The following PTPN4 variants were observed in gnomAD, a reference collection of about 807,000 sequenced individuals.
PTPN4 encodes protein tyrosine phosphatase non-receptor type 4.
PTPN4 carries 49 observed loss-of-function variants against 135.5 expected under a neutral mutation model. The ratio of observed to expected loss-of-function variants is 0.36; its 90% CI spans 0.29 to 0.46. PTPN4 has a LOEUF of 0.46. Among genes scored for constraint, PTPN4 ranks in the 20% least tolerant of loss-of-function variants. The probability of loss-of-function intolerance (pLI) is 1.00; values close to 1 mark genes in which losing one functional copy is unlikely to be tolerated. For missense variants in PTPN4, 860 were observed against 1,101.0 expected (o/e 0.78, Z 3.10); for synonymous variants, 333 against 369.9 (o/e 0.90, Z 1.14).
In PTPN4 at chr2:119,971,549, A is replaced by AT. The variant is rs531014989; in HGVS notation, c.2694+3585dup. On this transcript the variant is annotated intron_variant, in intron 26 of 26. Coordinates refer to ENST00000263708, the MANE Select transcript of PTPN4 (RefSeq NM_002830.4). ...GCCATTTTATTGGCGAGTTGTAAGT[A>AT]TTTTTTTTATGTTTTCTGGATAAAA... is the stretch of plus-strand genomic sequence containing the variant. Among the ~76,000 whole-genome samples the AT allele has an allele frequency of 7.9e-5, 12 of 152,068 alleles. No individual in the cohort carries two copies. In the South Asian group the frequency reaches 8.3e-4, roughly 11 times the overall value.
At chr2:119,777,170 CA>C (rs1009741683) in intron 1 of PTPN4, among the ~76,000 whole-genome samples, 9 of 152,200 alleles carry the variant, frequency 5.9e-5, no homozygotes, top group African/African-American at 2.2e-4. Flanking sequence ...CTGGCACTGG[CA>C]GACTTGTTCC....
intron 1 of PTPN4, among the ~76,000 whole-genome samples, chr2:119,802,049 G>A (rs919525417): frequency 1.9e-4 from 29 of 151,746 alleles, no homozygotes; most frequent in African/African-American, 6.0e-4. Flanking sequence ...TACAACAGGC[G>A]CCCGCCACCA....
At chr2:119,919,760 G>T (rs1321276613) in intron 11 of PTPN4, among the ~76,000 whole-genome samples, 2 of 148,716 alleles carry the variant, frequency 1.3e-5, no homozygotes, top group African/African-American at 2.5e-5. Context: ...TGAGGTGGAG[G>T]TTGCAGTGAG....
intron 9 of PTPN4, among the ~76,000 whole-genome samples, chr2:119,888,708 C>T (rs1271804249): frequency 6.6e-6 from 1 of 152,106 alleles, no homozygotes; most frequent in African/African-American, 2.4e-5. Context: ...ATCTTTCTAA[C>T]ATGCTGTTGG....
chr2:119,838,176 T>G, intron 2 of PTPN4, among the ~76,000 whole-genome samples: 1 of 152,226 alleles, frequency 6.6e-6, no homozygotes, highest in South Asian at 2.1e-4. Flanking sequence ...TGTATTTTTC[T>G]TCAGTGGATG....
At chr2:119,799,414 G>A (rs1691321903) in intron 1 of PTPN4, among the ~76,000 whole-genome samples, 1 of 152,268 alleles carries the variant, frequency 6.6e-6, no homozygotes, top group African/African-American at 2.4e-5. Flanking sequence ...GATAACCCTT[G>A]TTAAGAATCA....
intron 1 of PTPN4, among the ~76,000 whole-genome samples, 169 bp downstream of exon 1, chr2:119,760,553 A>G (rs1690465554): frequency 6.6e-6 from 1 of 151,776 alleles, no homozygotes; most frequent in East Asian, 1.9e-4. Context: ...AAACAAACAA[A>G]AAAACGCTTT....
chr2:119,929,636 A>G (rs148830727), intron 13 of PTPN4, among the ~76,000 whole-genome samples: 1 of 152,134 alleles, frequency 6.6e-6, no homozygotes. Flanking sequence ...TCGCAAACAC[A>G]CTGATGCTGT....
At chr2:119,882,362 A>T (rs1418363830) in intron 7 of PTPN4, 141 bp from the exon 8 acceptor site, 1 of 1,031,536 alleles carries the variant, frequency 9.7e-7, no homozygotes, top group Admixed American at 3.1e-5. Context: ...TGTTAAATGG[A>T]TTGCTGTGGC....
chr2:119,840,093 T>C (rs1677357845), intron 2 of PTPN4, among the ~76,000 whole-genome samples: 1 of 152,242 alleles, frequency 6.6e-6, no homozygotes, highest in East Asian at 1.9e-4. Context: ...TTTCTGGTTT[T>C]ATAGTTTGCT....
At chr2:119,907,436 T>TAA (rs36068777) in intron 10 of PTPN4, among the ~76,000 whole-genome samples, 3 of 151,696 alleles carry the variant, frequency 2.0e-5, no homozygotes, top group Non-Finnish European at 2.9e-5. Flanking sequence ...CTCGTCTCTA[T>TAA]AAAAAATATT....
At position 119,882,603 on chromosome 2, in the gene PTPN4, A is replaced by G. The variant is rs752575228; in HGVS notation, c.567A>G (p.Ala189=). Residue 189 remains alanine (A), a synonymous_variant, in exon 8 of 27, where the codon GCA becomes GCG. Coordinates refer to ENST00000263708, the MANE Select transcript of PTPN4 (RefSeq NM_002830.4). Reference sequence around the variant, plus strand: ...CTCAAGATTTTGAAAAAGAAATTGCAAAATTACATCAGCAACACATGTAAG... The same window carrying G: ...CTCAAGATTTTGAAAAAGAAATTGCGAAATTACATCAGCAACACATGTAAG... ...NQPQDFEKEI[A]KLHQQHIGLS... The G allele has an allele frequency of 6.5e-7, 1 of 1,548,568 alleles. No individual in the cohort carries two copies. Among genetic ancestry groups the G allele is most frequent in the Non-Finnish European group, 8.8e-7 (1 of 1,135,840 alleles).
chr2:119,922,218 TAAAAAA>T (rs34480531), intron 12 of PTPN4, among the ~76,000 whole-genome samples: 1 of 120,874 alleles, frequency 8.3e-6, no homozygotes, highest in Non-Finnish European at 1.8e-5. Context: ...CAATCTGATT[TAAAAAA>T]AAAAAAAAAA....
intron 2 of PTPN4, among the ~76,000 whole-genome samples, chr2:119,856,509 T>C (rs1467471803): frequency 1.3e-5 from 2 of 152,178 alleles, no homozygotes; most frequent in Non-Finnish European, 2.9e-5. Context: ...CTCATAAATC[T>C]TTAAGGGTTA....
chr2:119,788,373 T>C (rs373724345), intron 1 of PTPN4, among the ~76,000 whole-genome samples: 2 of 152,214 alleles, frequency 1.3e-5, no homozygotes, highest in East Asian at 3.8e-4. Flanking sequence ...AACATTTGAT[T>C]ACAGAAACTT....
intron 22 of PTPN4, among the ~76,000 whole-genome samples, chr2:119,960,332 A>C (rs1341832850): frequency 6.6e-6 from 1 of 152,210 alleles, no homozygotes; most frequent in Non-Finnish European, 1.5e-5. Context: ...ATACCCTCTA[A>C]AGTTACTTTA....
chr2:119,816,091 C>T (rs1337300605), intron 2 of PTPN4, among the ~76,000 whole-genome samples: 1 of 152,162 alleles, frequency 6.6e-6, no homozygotes, highest in Non-Finnish European at 1.5e-5. Flanking sequence ...ATAGAGTGTA[C>T]TCACATGTAG....
At chr2:119,953,163 G>T (rs973778717) in intron 19 of PTPN4, among the ~76,000 whole-genome samples, 9 of 152,090 alleles carry the variant, frequency 5.9e-5, no homozygotes, top group African/African-American at 1.9e-4. Flanking sequence ...TAATATCCCA[G>T]GATTAGACAT....
rs1679115410 is a variant in PTPN4, at chr2:119,945,233, A to T, written c.1508A>T (p.Lys503Ile). Residue 503 changes from lysine to isoleucine, a missense_variant, in exon 16 of 27, where the codon AAA (lysine) becomes ATA (isoleucine). By Grantham distance (102) the Lys-to-Ile change is moderately radical. Transcript: ENST00000263708. ...TTTGATATTCCATCTTCTCCTGAAA[A>T]ACCCACTGTAAGTAGCTTCTTCAGA... ...ETFDIPSSPE[K>I]PTPNGGIPHD... 13 of 1,552,264 alleles carry T rather than the reference A, an allele frequency of 8.4e-6. No homozygotes were observed. Among genetic ancestry groups the T allele is most frequent in the Non-Finnish European group, 1.1e-5 (13 of 1,152,514 alleles).
Sources: gnomAD v4.1 joint callset for allele counts (sites outside exome capture counted in the v4.1 genomes callset) on GRCh38, gnomAD v4.1.1 for gene constraint, MANE v1.5 for transcripts, NCBI Gene and HGNC (gene_info 2026-07-23, HGNC 2026-07-21) for gene names.